Variants in CCDC88A observed in about 807,000 individuals in gnomAD.
The protein encoded by CCDC88A is girdin.
A neutral mutation model predicts 234.3 loss-of-function variants in CCDC88A; 54 were observed. That is an observed-to-expected ratio of 0.23 (90% CI 0.19 to 0.29). The LOEUF (loss-of-function observed/expected upper bound fraction) is 0.29. Among genes scored for constraint, CCDC88A ranks in the 10% least tolerant of loss-of-function variants. The probability of loss-of-function intolerance (pLI) is 1.00; values close to 1 mark genes in which losing one functional copy is unlikely to be tolerated. For missense variants in CCDC88A, 1,832 were observed against 2,123.4 expected, an observed-to-expected ratio of 0.86 and a Z score of 2.70; for synonymous variants, 753 against 737.8, an observed-to-expected ratio of 1.02 and a Z score of -0.33.
At chr2:55,369,986 A>T (rs764285240) in intron 5 of CCDC88A, among the ~76,000 whole-genome samples, 8 of 152,110 alleles carry the variant, frequency 5.3e-5, no homozygotes, top group Non-Finnish European at 1.0e-4. Flanking sequence ...ACCCATAAAC[A>T]TTAAAAGAAA....
intron 7 of CCDC88A, chr2:55,362,066 G>A (rs1671389543): frequency 3.2e-6 from 1 of 310,098 alleles, no homozygotes; most frequent in South Asian, 1.2e-4. Flanking sequence ...AAAACACACA[G>A]GAAGAAAATC....
At chr2:55,333,010 G>A (rs1300220317) in intron 15 of CCDC88A, among the ~76,000 whole-genome samples, 1 of 152,050 alleles carries the variant, frequency 6.6e-6, no homozygotes, top group East Asian at 1.9e-4. Flanking sequence ...CTGAACTTTA[G>A]TGCACATTTC....
Position 55,419,214 on chromosome 2 carries a change from G to T in CCDC88A, c.-135C>A. ...GAGAAAAATCCCATCGTGGAGGAGGGGGGCACTCTCCCTCCTCAAAAAACA... is the reference window on the plus strand; with the variant it reads ...GAGAAAAATCCCATCGTGGAGGAGGTGGGCACTCTCCCTCCTCAAAAAACA... On this transcript the variant is annotated 5_prime_UTR_variant, in exon 1 of 33. Transcript: ENST00000436346. 3.2e-6 allele frequency: 2 copies of T among 633,772 alleles called. No homozygotes were observed. The highest frequency in any genetic ancestry group is 5.6e-6 in the Non-Finnish European group (2 of 356,708). 39.3% of individuals were successfully genotyped at this position (633,772 alleles called of 1,614,324 possible). A position where few individuals can be genotyped will look rare whatever the true frequency, so the allele number is the denominator to read the frequency against.
At chr2:55,355,095 A>G (rs1670390259) in intron 8 of CCDC88A, among the ~76,000 whole-genome samples, 1 of 151,686 alleles carries the variant, frequency 6.6e-6, no homozygotes, top group Non-Finnish European at 1.5e-5. Context: ...ATTTACCTTT[A>G]CTAAGTACGT....
intron 3 of CCDC88A, among the ~76,000 whole-genome samples, chr2:55,380,482 G>A (rs1422116368): frequency 1.3e-5 from 2 of 152,074 alleles, no homozygotes; most frequent in Non-Finnish European, 2.9e-5. Flanking sequence ...GAAAGAACTG[G>A]CAGAGATTAT....
Position 55,317,761 on chromosome 2 carries a change from T to C in CCDC88A, c.3405A>G (p.Leu1135=), listed in dbSNP as rs1253659886. The C allele has an allele frequency of 7.4e-6, 12 of 1,613,236 alleles. No homozygotes were observed. The highest frequency in any genetic ancestry group is 1.3e-5 in the African/African-American group (1 of 74,902). Residue 1135 remains leucine, a synonymous_variant, in exon 20 of 33, where the codon TTA becomes TTG. Transcript: ENST00000436346. This position sits in a 1 kb window ranked among gnomAD's most constrained non-coding sequence, Gnocchi z 4.2. ...NAQLLIQQSS[L]ENENESVIKE... is the part of the protein sequence containing the mutation. ...TGATTACAGATTCATTTTCATTTTC[T>C]AAGGAAGACTGCTGGATTAGGAGTT...
At chr2:55,296,125 G>C (rs886068355) in intron 30 of CCDC88A, 69 bp from the exon 31 acceptor site, 5 of 1,344,780 alleles carry the variant, frequency 3.7e-6, no homozygotes, top group Non-Finnish European at 5.0e-6. Context: ...TGATTTAGCA[G>C]ACTGTGCAAT....
chr2:55,371,382 T>A (rs559883252), intron 5 of CCDC88A, among the ~76,000 whole-genome samples: 28 of 152,208 alleles, frequency 1.8e-4, no homozygotes, highest in Non-Finnish European at 4.4e-5. Flanking sequence ...ATTTCTGTTA[T>A]ATGTATGTAA....
intron 3 of CCDC88A, among the ~76,000 whole-genome samples, chr2:55,386,084 G>T (rs1278138565): frequency 6.6e-6 from 1 of 151,458 alleles, no homozygotes; most frequent in Non-Finnish European, 1.5e-5. Flanking sequence ...TGAGCCGGGC[G>T]TGGTGGCATG....
intron 25 of CCDC88A, among the ~76,000 whole-genome samples, chr2:55,306,555 G>C (rs1681593916): frequency 6.6e-6 from 1 of 152,032 alleles, no homozygotes; most frequent in Admixed American, 6.6e-5. Context: ...TTTTTAGGCT[G>C]CTATACTTGC....
intron 6 of CCDC88A, chr2:55,363,540 T>C (rs997080299): frequency 6.5e-6 from 1 of 153,214 alleles, no homozygotes; most frequent in Non-Finnish European, 1.5e-5. Flanking sequence ...TCAAGTAATA[T>C]CTTTAATAAA....
chr2:55,373,736 A>G (rs1673187359), intron 4 of CCDC88A, among the ~76,000 whole-genome samples: 1 of 150,022 alleles, frequency 6.7e-6, no homozygotes, highest in Non-Finnish European at 1.5e-5. Context: ...CAAACATCCC[A>G]TGGTATCTCT....
At chr2:55,304,150 A>T (rs536024175) in intron 25 of CCDC88A, among the ~76,000 whole-genome samples, 236 of 150,284 alleles carry the variant, frequency 1.6e-3, no homozygotes, top group South Asian at 3.6e-3. Context: ...CCCTACAAAA[A>T]ATTAGCCATG....
chr2:55,360,670 G>T (rs1671170422), intron 7 of CCDC88A, among the ~76,000 whole-genome samples: 1 of 152,116 alleles, frequency 6.6e-6, no homozygotes, highest in Non-Finnish European at 1.5e-5. Context: ...GTTTACCAGA[G>T]GCATGTAATG....
chr2:55,343,984 T>A, intron 11 of CCDC88A, 192 bp from the exon 12 acceptor site: 1 of 450,878 alleles, frequency 2.2e-6, no homozygotes, highest in Non-Finnish European at 3.8e-6. Flanking sequence ...GACATCCTTT[T>A]AAGCTGATCT....
At position 55,332,814 on chromosome 2, in the gene CCDC88A, A is replaced by C; in HGVS notation, c.2728-121T>G. 59 of 808,428 alleles carry C rather than the reference A, an allele frequency of 7.3e-5. No individual in the cohort carries two copies. Among genetic ancestry groups the C allele is most frequent in the Non-Finnish European group, 8.7e-5 (45 of 516,538 alleles). The allele number at this position is 808,428 out of a possible 1,614,324, so 50.1% of individuals were successfully genotyped here. ...CATGTAATTTGAACCAGGAAATGTC[A>C]TTAAACCATTCCTTCATTATTAAAA... On this transcript the variant is annotated intron_variant, in intron 15 of 32. Coordinates refer to ENST00000436346, the MANE Select transcript of CCDC88A (RefSeq NM_001365480.1). The surrounding 1 kb of genome is among the most constrained non-coding windows in gnomAD (Gnocchi z 4.5).
intron 5 of CCDC88A, among the ~76,000 whole-genome samples, chr2:55,366,773 A>T (rs1672034857): frequency 6.6e-6 from 1 of 152,210 alleles, no homozygotes. Flanking sequence ...AGACAGGTTT[A>T]TATGGAAAAG....
intron 31 of CCDC88A, chr2:55,294,523 C>T: frequency 1.0e-6 from 1 of 971,452 alleles, no homozygotes; most frequent in Non-Finnish European, 1.2e-6. Flanking sequence ...GGACAGATGG[C>T]CTAATTAAAT....
chr2:55,304,384 A>G (rs540755657), intron 25 of CCDC88A, among the ~76,000 whole-genome samples: 1 of 152,358 alleles, frequency 6.6e-6, no homozygotes, highest in South Asian at 2.1e-4. Context: ...TTCTTGGTTT[A>G]AACTGGATTC....
Sources: gnomAD v4.1 joint callset for allele counts (sites outside exome capture counted in the v4.1 genomes callset) on GRCh38, gnomAD v4.1.1 for gene constraint, Gnocchi (gnomAD v3.1) non-coding constraint, MANE v1.5 for transcripts, NCBI Gene and HGNC (gene_info 2026-07-23, HGNC 2026-07-21) for gene names.